Variants in STX7 observed in about 807,000 individuals in gnomAD.
STX7 encodes the protein syntaxin-7.
A neutral mutation model predicts 39.6 loss-of-function variants in STX7; 34 were observed. The observed-to-expected ratio is 0.86, with a 90% confidence interval of 0.65 to 1.14. The LOEUF (loss-of-function observed/expected upper bound fraction) is 1.14. Ranked by LOEUF, STX7 falls within the 50% of genes most tolerant of loss-of-function variation. STX7 has a pLI of 0.00. For synonymous variants in STX7, 119 were observed against 99.1 expected, an observed-to-expected ratio of 1.20 and a Z score of -1.19; for missense variants, 284 against 310.4, an observed-to-expected ratio of 0.92 and a Z score of 0.64.
In STX7 at chr6:132,503,599, TA is replaced by T; in HGVS notation, c.-58-12del. ...TTTCTAAGCAGTCACCTAAATAATATAAAAGTCACACAGATATATTTTTTAA... is the reference window on the plus strand; with the variant it reads ...TTTCTAAGCAGTCACCTAAATAATATAAAGTCACACAGATATATTTTTTAA... On this transcript the variant is annotated splice_polypyrimidine_tract_variant and intron_variant, in intron 1 of 9. Transcript: ENST00000367941. 5.7e-6 allele frequency: 7 copies of T among 1,223,330 alleles called. No individual in the cohort carries two copies. In the South Asian group the frequency reaches 6.4e-5, roughly 11 times the overall value. 75.8% of individuals were successfully genotyped at this position (1,223,330 alleles called of 1,614,324 possible). A position where few individuals can be genotyped will look rare whatever the true frequency, so the allele number is the denominator to read the frequency against.
At chr6:132,491,999 T>C (rs1022906662) in intron 2 of STX7, among the ~76,000 whole-genome samples, 1 of 152,080 alleles carries the variant, frequency 6.6e-6, no homozygotes, top group African/African-American at 2.4e-5. Context: ...TCTGGTTGAG[T>C]CCAACATTGC....
intron 2 of STX7, among the ~76,000 whole-genome samples, chr6:132,497,730 T>C (rs1052602977): frequency 2.0e-5 from 3 of 152,224 alleles, no homozygotes; most frequent in Non-Finnish European, 4.4e-5. Context: ...TTTACCTATA[T>C]GATAGGTACC....
At chr6:132,474,305 ATATTAGAAC>A (rs1463673074) in intron 3 of STX7, among the ~76,000 whole-genome samples, 1 of 151,796 alleles carries the variant, frequency 6.6e-6, no homozygotes, top group East Asian at 1.9e-4. Context: ...CTCTATCAAA[ATATTAGAAC>A]TTTTATGAAT....
intron 2 of STX7, among the ~76,000 whole-genome samples, chr6:132,496,369 T>C (rs1775420172): frequency 6.6e-6 from 1 of 152,204 alleles, no homozygotes; most frequent in African/African-American, 2.4e-5. Flanking sequence ...CTGTGTTTCA[T>C]AGCTATTCTC....
chr6:132,486,367 T>G (rs1775131818), intron 2 of STX7, among the ~76,000 whole-genome samples: 1 of 152,202 alleles, frequency 6.6e-6, no homozygotes, highest in Non-Finnish European at 1.5e-5. Flanking sequence ...TTTTGTCAGG[T>G]TAAAGAGCTC....
At position 132,453,162 on chromosome 6, in the gene STX7, A is replaced by C. The variant is rs1455767743; in HGVS notation, c.*7596T>G. ...ATGGACAAAAAAGAGCCTTTTCGAC[A>C]AATATCATGTTGGAGTAATTGAATA... On this transcript the variant is annotated 3_prime_UTR_variant, in exon 10 of 10. Coordinates refer to ENST00000367941, the MANE Select transcript of STX7 (RefSeq NM_003569.3). The C allele has an allele frequency of 6.6e-6, 1 of 152,194 alleles. No individual in the cohort carries two copies. Among genetic ancestry groups the C allele is most frequent in the African/African-American group, 2.4e-5 (1 of 41,474 alleles). The allele number at this position is 152,194 out of a possible 1,614,324, so 9.4% of individuals were successfully genotyped here.
intron 1 of STX7, among the ~76,000 whole-genome samples, chr6:132,510,214 A>G (rs1049101294): frequency 3.9e-5 from 6 of 152,240 alleles, no homozygotes; most frequent in Non-Finnish European, 8.8e-5. Context: ...ATTTTCAAAT[A>G]CTTAGAAGAA....
At chr6:132,478,568 C>T (rs965921146) in intron 2 of STX7, among the ~76,000 whole-genome samples, 1 of 152,156 alleles carries the variant, frequency 6.6e-6, no homozygotes, top group African/African-American at 2.4e-5. Context: ...CTCAGAAATG[C>T]CACCATCAAG....
chr6:132,493,007 A>G (rs1775333953), intron 2 of STX7, among the ~76,000 whole-genome samples: 1 of 152,276 alleles, frequency 6.6e-6, no homozygotes, highest in East Asian at 1.9e-4. Context: ...GAAGGTTTCC[A>G]TGCTCCCAAG....
Position 132,453,262 on chromosome 6 carries a change from T to C in STX7, c.*7496A>G, listed in dbSNP as rs1774170855. The C allele has an allele frequency of 6.6e-6, 1 of 152,074 alleles. No homozygotes were observed. The allele number at this position is 152,074 out of a possible 1,614,324, so 9.4% of individuals were successfully genotyped here. A position where few individuals can be genotyped will look rare whatever the true frequency, so the allele number is the denominator to read the frequency against. On this transcript the variant is annotated 3_prime_UTR_variant, in exon 10 of 10. Coordinates refer to ENST00000367941, the MANE Select transcript of STX7 (RefSeq NM_003569.3). ...TATACAAAATTAACTGAAAATGGAA[T>C]ATAGACTTAAAAGTAAAACGTAAAC... is the stretch of plus-strand genomic sequence containing the variant.
chr6:132,479,990 C>A (rs1774977040), intron 2 of STX7, among the ~76,000 whole-genome samples: 1 of 152,104 alleles, frequency 6.6e-6, no homozygotes, highest in Non-Finnish European at 1.5e-5. Flanking sequence ...TTGGAGGAGG[C>A]AGAATTTTAT....
At chr6:132,487,575 A>G (rs1775170891) in intron 2 of STX7, among the ~76,000 whole-genome samples, 1 of 152,168 alleles carries the variant, frequency 6.6e-6, no homozygotes, top group Non-Finnish European at 1.5e-5. Context: ...GCAAACCACC[A>G]TGGCACATGT....
At chr6:132,508,085 G>A (rs991908836) in intron 1 of STX7, among the ~76,000 whole-genome samples, 2 of 152,204 alleles carry the variant, frequency 1.3e-5, no homozygotes, top group African/African-American at 2.4e-5. Context: ...CACATCCAGA[G>A]AACAAATGCT....
chr6:132,486,496 A>G (rs1775135502), intron 2 of STX7, among the ~76,000 whole-genome samples: 1 of 152,164 alleles, frequency 6.6e-6, no homozygotes, highest in South Asian at 2.1e-4. Flanking sequence ...TGTTAACATA[A>G]TGAACAATAT....
chr6:132,507,827 G>A (rs1354920074), intron 1 of STX7, among the ~76,000 whole-genome samples: 1 of 152,178 alleles, frequency 6.6e-6, no homozygotes, highest in Admixed American at 6.5e-5. Context: ...TGTTCAGTTT[G>A]TTATTCATGT....
At chr6:132,502,343 C>G (rs898316566) in intron 2 of STX7, among the ~76,000 whole-genome samples, 1 of 152,138 alleles carries the variant, frequency 6.6e-6, no homozygotes, top group African/African-American at 2.4e-5. Flanking sequence ...AAGAATAAAA[C>G]TATATTAACA....
At chr6:132,480,943 G>A (rs1448528999) in intron 2 of STX7, among the ~76,000 whole-genome samples, 7 of 152,098 alleles carry the variant, frequency 4.6e-5, no homozygotes, top group Non-Finnish European at 1.5e-5. Flanking sequence ...TATATAGAAT[G>A]TACCATTTGT....
chr6:132,478,968 A>G (rs909822217), intron 2 of STX7, among the ~76,000 whole-genome samples: 1 of 152,118 alleles, frequency 6.6e-6, no homozygotes, highest in South Asian at 2.1e-4. Context: ...AGTCCAATAC[A>G]CTGGTTACGT....
rs1774154665 is a variant in STX7 at position 132,452,469 on chromosome 6, A to G, written c.*8289T>C. ...TTCATTATTTGCAGATGACATGACT[A>G]TCTATATAAAAAAAAAATCCCAAGG... On this transcript the variant is annotated 3_prime_UTR_variant, in exon 10 of 10. Coordinates refer to ENST00000367941, the MANE Select transcript of STX7 (RefSeq NM_003569.3). The G allele has an allele frequency of 7.4e-6, 1 of 135,182 alleles. No homozygotes were observed. Among genetic ancestry groups the G allele is most frequent in the Non-Finnish European group, 1.6e-5 (1 of 62,096 alleles). 8.4% of individuals were successfully genotyped at this position (135,182 alleles called of 1,614,324 possible). A position where few individuals can be genotyped will look rare whatever the true frequency, so the allele number is the denominator to read the frequency against.
Sources: allele counts gnomAD v4.1 joint callset (sites outside exome capture counted in the v4.1 genomes callset), GRCh38; gene constraint gnomAD v4.1.1; transcripts MANE v1.5; gene names NCBI Gene and HGNC (gene_info 2026-07-23, HGNC 2026-07-21).